Variants in ADGRE3 observed in about 807,000 individuals in gnomAD.
ADGRE3 encodes EGF-like module receptor 3.
A neutral mutation model predicts 80.1 loss-of-function variants in ADGRE3; 88 were observed. The observed-to-expected ratio is 1.10, with a 90% CI of 0.93 to 1.31. ADGRE3 has a LOEUF of 1.31. Ranked by LOEUF, ADGRE3 falls within the 40% of genes most tolerant of loss-of-function variation. The pLI is 0.00. For missense variants in ADGRE3, 715 were observed against 776.5 expected (o/e 0.92, Z 0.94); for synonymous variants, 281 against 294.8 (o/e 0.95, Z 0.48).
At chr19:14,607,392 A>G in the ADGRE3 span, among the ~76,000 whole-genome samples, 6 of 151,304 alleles carry the variant, frequency 4.0e-5, no homozygotes, top group Admixed American at 1.3e-4. Context: ...TTTAGTAGAG[A>G]CGGGGTTTCA....
At chr19:14,664,599 C>A (rs911269313) in intron 2 of ADGRE3, among the ~76,000 whole-genome samples, 1 of 152,094 alleles carries the variant, frequency 6.6e-6, no homozygotes, top group African/African-American at 2.4e-5. Flanking sequence ...GTCCCAGCTA[C>A]TCTGGAGGCT....
intron 2 of ADGRE3, among the ~76,000 whole-genome samples, chr19:14,668,457 C>T (rs1162423874): frequency 9.2e-5 from 14 of 151,960 alleles, no homozygotes; most frequent in Admixed American, 9.2e-4. Context: ...TATTGGTTGA[C>T]TTGTTTATAA....
At chr19:14,617,322 TTCCC>T (rs1242129811), downstream of ADGRE3, among the ~76,000 whole-genome samples, 115 of 77,920 alleles carry the variant, frequency 1.5e-3, 1 homozygote, top group South Asian at 0.026. Flanking sequence ...TTCCCCTTGC[TTCCC>T]TCCCTCCCTC....
At chr19:14,665,341 G>A (rs1972062649) in intron 2 of ADGRE3, among the ~76,000 whole-genome samples, 1 of 151,962 alleles carries the variant, frequency 6.6e-6, no homozygotes, top group South Asian at 2.1e-4. Flanking sequence ...GGGATTACAG[G>A]CGTGAGCTAC....
rs66908687 is a variant in ADGRE3, at chr19:14,659,822, G to GAAAA, written c.356-1276_356-1273dup. Among the ~76,000 whole-genome samples, 7 of 44,838 alleles carry GAAAA rather than the reference G, an allele frequency of 1.6e-4. 2 individuals are homozygous for GAAAA. Among genetic ancestry groups the GAAAA allele is most frequent in the African/African-American group, 3.6e-4 (4 of 11,220 alleles). 29.4% of individuals were successfully genotyped at this position (44,838 alleles called of 152,430 possible). A position where few individuals can be genotyped will look rare whatever the true frequency, so the allele number is the denominator to read the frequency against. On this transcript the variant is annotated intron_variant, in intron 4 of 15. Coordinates refer to ENST00000253673, the MANE Select transcript of ADGRE3 (RefSeq NM_032571.5). ...GGAGACAGAGCGAGACTCTGCCTCT[G>GAAAA]AAAAAAAAAAAAAAAAAAAAAAAAA...
chr19:14,672,714 A>T (rs1358480038), intron 1 of ADGRE3, among the ~76,000 whole-genome samples: 1 of 151,868 alleles, frequency 6.6e-6, no homozygotes, highest in Admixed American at 6.6e-5. Context: ...AGCTCAAGCG[A>T]TCCTCCCACC....
intron 11 of ADGRE3, among the ~76,000 whole-genome samples, chr19:14,636,497 G>A (rs1055375012): frequency 6.6e-6 from 1 of 151,782 alleles, no homozygotes; most frequent in Non-Finnish European, 1.5e-5. Flanking sequence ...ATGAGTCACC[G>A]TGCCCGACCT....
At chr19:14,607,117 T>C in the ADGRE3 span, 10 of 1,225,898 alleles carry the variant, frequency 8.2e-6, no homozygotes, top group South Asian at 2.2e-4. Context: ...GTGCTTGGGT[T>C]TCCTGGGGTC....
At chr19:14,668,532 T>C in intron 2 of ADGRE3, 1 of 486,216 alleles carries the variant, frequency 2.1e-6, no homozygotes. Flanking sequence ...CATGAGACTT[T>C]GTGTGTTTTA....
chr19:14,609,089 C>T, the ADGRE3 span, among the ~76,000 whole-genome samples: 10 of 152,258 alleles, frequency 6.6e-5, no homozygotes, highest in East Asian at 7.7e-4. Context: ...TGTGTGCCAC[C>T]GCACCTGGCG....
chr19:14,610,337 A>G, the ADGRE3 span: 3 of 1,201,644 alleles, frequency 2.5e-6, no homozygotes, highest in Non-Finnish European at 3.4e-6. Context: ...GGATGCAGCA[A>G]GTTCCCAGGG....
the ADGRE3 span, among the ~76,000 whole-genome samples, chr19:14,600,985 C>A: frequency 6.9e-6 from 1 of 144,718 alleles, no homozygotes; most frequent in African/African-American, 2.6e-5. Flanking sequence ...TCACTGCAAC[C>A]TCTGCCTCCC....
At chr19:14,620,875 G>A (rs980347670) in intron 15 of ADGRE3, among the ~76,000 whole-genome samples, 2 of 151,634 alleles carry the variant, frequency 1.3e-5, no homozygotes, top group African/African-American at 4.8e-5. Flanking sequence ...AATGTTAAAC[G>A]ATTTTCCTTA....
At chr19:14,642,858 C>T (rs1052981549) in intron 9 of ADGRE3, among the ~76,000 whole-genome samples, 2 of 152,146 alleles carry the variant, frequency 1.3e-5, no homozygotes, top group Non-Finnish European at 2.9e-5. Context: ...GATTCTATGT[C>T]TCTGCTATTG....
the ADGRE3 span, chr19:14,607,088 T>C: frequency 7.7e-7 from 1 of 1,306,944 alleles, no homozygotes; most frequent in Non-Finnish European, 9.8e-7. Flanking sequence ...TGGATGGGTC[T>C]CCTGTGACAT....
chr19:14,647,463 C>T (rs1335159781), intron 7 of ADGRE3, 98 bp from the exon 8 acceptor site: 3 of 1,000,558 alleles, frequency 3.0e-6, no homozygotes, highest in African/African-American at 3.5e-5. Context: ...CCCAGCCAGG[C>T]TGGAGTGCAG....
intron 13 of ADGRE3, among the ~76,000 whole-genome samples, chr19:14,631,943 T>A (rs1438788689): frequency 4.6e-5 from 7 of 152,048 alleles, no homozygotes; most frequent in Admixed American, 3.3e-4. Flanking sequence ...TATAAAAAAA[T>A]GTAACAAAGT....
At chr19:14,646,736 CTCTTTGTT>C (rs1214778458) in intron 8 of ADGRE3, among the ~76,000 whole-genome samples, 4 of 120,408 alleles carry the variant, frequency 3.3e-5, no homozygotes, top group African/African-American at 6.1e-5. Flanking sequence ...TCCTTCTTTC[CTCTTTGTT>C]TCTTTGTTTC....
intron 1 of ADGRE3, among the ~76,000 whole-genome samples, chr19:14,670,890 C>T (rs574182913): frequency 6.6e-6 from 1 of 152,348 alleles, no homozygotes; most frequent in African/African-American, 2.4e-5. Flanking sequence ...TCCCACAGGG[C>T]ACTACCTGCA....
Sources: allele counts gnomAD v4.1 joint callset (sites outside exome capture counted in the v4.1 genomes callset), GRCh38; gene constraint gnomAD v4.1.1; transcripts MANE v1.5; gene names NCBI Gene and HGNC (gene_info 2026-07-23, HGNC 2026-07-21).